The following EBF1 variants were observed in gnomAD, a reference collection of about 807,000 sequenced individuals.
The protein encoded by EBF1 is transcription factor COE1.
EBF1 carries 10 observed loss-of-function variants against 68.4 expected under a neutral mutation model. The observed-to-expected ratio is 0.15, with a 90% CI of 0.09 to 0.25. The LOEUF is 0.25. Ranked by LOEUF, EBF1 falls within the 10% of genes least tolerant of loss-of-function variation. The pLI is 1.00. For synonymous variants in EBF1, 298 were observed against 299.8 expected, an observed-to-expected ratio of 0.99 and a Z score of 0.06; for missense variants, 509 against 794.4, an observed-to-expected ratio of 0.64 and a Z score of 4.32.
intron 10 of EBF1, among the ~76,000 whole-genome samples, chr5:158,775,162 C>T (rs958184973): frequency 6.6e-6 from 1 of 151,738 alleles, no homozygotes; most frequent in Non-Finnish European, 1.5e-5. Flanking sequence ...TTCTTAATTC[C>T]AGTGTGATAT....
At chr5:158,918,376 C>A (rs1312853202) in intron 6 of EBF1, among the ~76,000 whole-genome samples, 2 of 152,306 alleles carry the variant, frequency 1.3e-5, no homozygotes, top group East Asian at 3.9e-4. Context: ...GCTCACCCAA[C>A]TTTATAGAAA....
At chr5:158,714,230 C>T (rs1397551572) in intron 11 of EBF1, 48 bp from the exon 12 acceptor site, 7 of 1,604,324 alleles carry the variant, frequency 4.4e-6, no homozygotes, top group East Asian at 4.5e-5. Context: ...GGCAGGTTGT[C>T]GTTATCTTTT....
intron 6 of EBF1, among the ~76,000 whole-genome samples, chr5:158,908,799 C>A (rs1805231516): frequency 1.3e-5 from 2 of 152,204 alleles, no homozygotes; most frequent in Non-Finnish European, 2.9e-5. Flanking sequence ...GCAGCCAACT[C>A]ATACTGAGAA....
intron 6 of EBF1, among the ~76,000 whole-genome samples, chr5:158,893,318 G>A (rs921799155): frequency 6.6e-6 from 1 of 152,122 alleles, no homozygotes; most frequent in Non-Finnish European, 1.5e-5. Context: ...TAGGAGTTAA[G>A]GCATTCCTTA....
intron 6 of EBF1, among the ~76,000 whole-genome samples, chr5:159,027,652 C>T (rs1333253292): frequency 1.3e-5 from 2 of 152,160 alleles, no homozygotes; most frequent in Admixed American, 6.5e-5. Context: ...TCACACTATC[C>T]CAAAACGTTA....
chr5:158,960,207 T>A (rs1263578026), intron 6 of EBF1, among the ~76,000 whole-genome samples: 2 of 152,202 alleles, frequency 1.3e-5, no homozygotes, highest in Non-Finnish European at 2.9e-5. Context: ...CAGTGGAATA[T>A]CTACCCTATA....
intron 6 of EBF1, among the ~76,000 whole-genome samples, chr5:158,969,638 G>A (rs1754955261): frequency 6.7e-6 from 1 of 150,364 alleles, no homozygotes; most frequent in Non-Finnish European, 1.5e-5. Context: ...AGTTGAACAT[G>A]GTGGCAGGCA....
intron 6 of EBF1, among the ~76,000 whole-genome samples, chr5:158,851,077 G>T (rs952731862): frequency 6.6e-6 from 1 of 151,914 alleles, no homozygotes; most frequent in Admixed American, 6.6e-5. Flanking sequence ...AGCACAAGCT[G>T]CAGGGAAAGA....
chr5:158,961,715 T>C (rs1043622365), intron 6 of EBF1, among the ~76,000 whole-genome samples: 9 of 152,238 alleles, frequency 5.9e-5, no homozygotes, highest in Non-Finnish European at 8.8e-5. Flanking sequence ...TAATTTATTT[T>C]CTAAAAAATA....
chr5:159,086,126 A>G (rs1336445510), intron 4 of EBF1, among the ~76,000 whole-genome samples: 1 of 152,188 alleles, frequency 6.6e-6, no homozygotes, highest in East Asian at 1.9e-4. Flanking sequence ...AGCTTTCAAG[A>G]ATATGTAAAA....
rs1258709913 is a variant in EBF1, at chr5:158,698,282, C to T, written c.*829G>A. On this transcript the variant is annotated 3_prime_UTR_variant, in exon 16 of 16. Coordinates refer to ENST00000313708, the MANE Select transcript of EBF1 (RefSeq NM_024007.5). ...CTCACACAGTATGTGTGCCACCAAG[C>T]TCTCGAGAGGCCATCGGCTTCAGAA... 1 of 221,740 alleles carries T rather than the reference C, an allele frequency of 4.5e-6. No homozygotes were observed. Among genetic ancestry groups the T allele is most frequent in the Admixed American group, 5.8e-5 (1 of 17,384 alleles). 13.7% of individuals were successfully genotyped at this position (221,740 alleles called of 1,614,324 possible).
chr5:158,964,102 A>C (rs144811338), intron 6 of EBF1, among the ~76,000 whole-genome samples: 1 of 152,168 alleles, frequency 6.6e-6, no homozygotes, highest in Non-Finnish European at 1.5e-5. Context: ...ACACAGCAAG[A>C]TGAAAGCTGA....
At chr5:158,968,468 C>T (rs1427430401) in intron 6 of EBF1, among the ~76,000 whole-genome samples, 1 of 152,172 alleles carries the variant, frequency 6.6e-6, no homozygotes, top group East Asian at 1.9e-4. Context: ...AAAGATGTCC[C>T]TGGAGGTGCA....
chr5:158,800,302 G>A (rs999501255), intron 8 of EBF1, among the ~76,000 whole-genome samples: 29 of 152,114 alleles, frequency 1.9e-4, no homozygotes, highest in African/African-American at 6.8e-4. Flanking sequence ...ACCAGTATGA[G>A]TATGCATGCA....
chr5:158,895,708 T>A (rs1355912046), intron 6 of EBF1, among the ~76,000 whole-genome samples: 1 of 152,126 alleles, frequency 6.6e-6, no homozygotes, highest in Non-Finnish European at 1.5e-5. Flanking sequence ...CCAAAGGAGA[T>A]TCTGAAGCCT....
At chr5:158,966,013 T>C (rs901135091) in intron 6 of EBF1, among the ~76,000 whole-genome samples, 1 of 152,188 alleles carries the variant, frequency 6.6e-6, no homozygotes, top group African/African-American at 2.4e-5. Flanking sequence ...TTTCATTTTG[T>C]TCTCTATCTG....
intron 6 of EBF1, among the ~76,000 whole-genome samples, chr5:159,013,802 C>A (rs181674236): frequency 6.6e-6 from 1 of 152,304 alleles, no homozygotes. Context: ...CACACCTATC[C>A]TTCCAGCTCA....
At chr5:158,725,232 T>C (rs532732061) in intron 11 of EBF1, among the ~76,000 whole-genome samples, 12 of 152,170 alleles carry the variant, frequency 7.9e-5, no homozygotes, top group African/African-American at 2.4e-4. Flanking sequence ...CTGCCAGAGA[T>C]ACTATGGTGC....
At chr5:158,961,984 C>T (rs1209384507) in intron 6 of EBF1, among the ~76,000 whole-genome samples, 2 of 152,148 alleles carry the variant, frequency 1.3e-5, no homozygotes, top group African/African-American at 4.8e-5. Context: ...GCATCAACCC[C>T]ATTTGTTTAC....
Sources: allele counts gnomAD v4.1 joint callset (sites outside exome capture counted in the v4.1 genomes callset), GRCh38; gene constraint gnomAD v4.1.1; transcripts MANE v1.5; gene names NCBI Gene and HGNC (gene_info 2026-07-23, HGNC 2026-07-21).